The following RASA2 variants were observed in gnomAD, a reference collection of about 807,000 sequenced individuals.
RASA2 encodes ras GTPase-activating protein 2.
A neutral mutation model predicts 118.2 loss-of-function variants in RASA2; 155 were observed. The observed-to-expected ratio is 1.31, with a 90% CI of 1.15 to 1.50. RASA2 has a LOEUF of 1.50. Ranked by LOEUF, RASA2 falls within the 40% of genes most tolerant of loss-of-function variation. The pLI is 0.00. For synonymous variants in RASA2, 353 were observed against 349.1 expected, an observed-to-expected ratio of 1.01 and a Z score of -0.12; for missense variants, 1,016 against 1,009.6, an observed-to-expected ratio of 1.01 and a Z score of -0.09.
At chr3:141,512,037 C>A (rs2081958590) in intron 1 of RASA2, 126 bp from the exon 2 acceptor site, 1 of 648,852 alleles carries the variant, frequency 1.5e-6, no homozygotes, top group Non-Finnish European at 2.6e-6. Flanking sequence ...TTTCTGTAAT[C>A]ACTAGTGTTT....
chr3:141,519,114 G>T (rs553778722), intron 3 of RASA2, among the ~76,000 whole-genome samples: 1 of 152,080 alleles, frequency 6.6e-6, no homozygotes, highest in Non-Finnish European at 1.5e-5. Flanking sequence ...GAGTCAAGGG[G>T]TATGAACATT....
chr3:141,524,952 A>G (rs959243031), intron 3 of RASA2, among the ~76,000 whole-genome samples: 7 of 152,162 alleles, frequency 4.6e-5, no homozygotes, highest in African/African-American at 1.7e-4. Flanking sequence ...GAACAGGACT[A>G]TCAGGATTTT....
At chr3:141,528,124 CCTT>C (rs1180122055) in intron 3 of RASA2, among the ~76,000 whole-genome samples, 1 of 151,676 alleles carries the variant, frequency 6.6e-6, no homozygotes, top group Non-Finnish European at 1.5e-5. Flanking sequence ...CAATAGGCCT[CCTT>C]CGATTGTATT....
intron 17 of RASA2, among the ~76,000 whole-genome samples, chr3:141,585,332 A>G (rs889848735): frequency 6.6e-6 from 1 of 152,236 alleles, no homozygotes; most frequent in Non-Finnish European, 1.5e-5. Context: ...CAGAGTGTAA[A>G]TAGCCTTACA....
intron 19 of RASA2, among the ~76,000 whole-genome samples, chr3:141,598,724 A>G (rs1363096544): frequency 6.6e-6 from 1 of 152,154 alleles, no homozygotes; most frequent in Non-Finnish European, 1.5e-5. Context: ...AGAAAACAAA[A>G]TTTTAAAAAT....
At chr3:141,543,503 G>T (rs1282971439) in intron 5 of RASA2, among the ~76,000 whole-genome samples, 1 of 152,036 alleles carries the variant, frequency 6.6e-6, no homozygotes, top group Non-Finnish European at 1.5e-5. Context: ...CCCTTTCCAT[G>T]TTATTTTTTT....
intron 3 of RASA2, among the ~76,000 whole-genome samples, chr3:141,522,059 C>T (rs1033575044): frequency 6.6e-6 from 1 of 151,976 alleles, no homozygotes. Context: ...AGATTCAGTA[C>T]AAGTTGAGCA....
chr3:141,544,758 G>T (rs889094241), intron 5 of RASA2, among the ~76,000 whole-genome samples: 4 of 152,078 alleles, frequency 2.6e-5, no homozygotes, highest in African/African-American at 9.7e-5. Flanking sequence ...ATCAATCGCA[G>T]ACTGGATAAA....
At chr3:141,543,581 A>G (rs1014813247) in intron 5 of RASA2, among the ~76,000 whole-genome samples, 4 of 151,924 alleles carry the variant, frequency 2.6e-5, no homozygotes, top group African/African-American at 9.7e-5. Context: ...ATTCTTTTAG[A>G]GTAAGTCTCT....
chr3:141,561,765 T>A (rs912724543), intron 9 of RASA2, among the ~76,000 whole-genome samples: 1 of 152,198 alleles, frequency 6.6e-6, no homozygotes, highest in African/African-American at 2.4e-5. Flanking sequence ...GTTTGAAAAG[T>A]CTCAAAATAG....
At chr3:141,499,977 G>A (rs2081755382) in intron 1 of RASA2, among the ~76,000 whole-genome samples, 1 of 152,142 alleles carries the variant, frequency 6.6e-6, no homozygotes, top group Non-Finnish European at 1.5e-5. Flanking sequence ...CCAGGAGTGA[G>A]GAAAATTGCT....
At chr3:141,543,902 G>A (rs1474678677) in intron 5 of RASA2, among the ~76,000 whole-genome samples, 1 of 120,284 alleles carries the variant, frequency 8.3e-6, no homozygotes, top group African/African-American at 3.3e-5. Flanking sequence ...TTGATATGGA[G>A]TCTAGTTCTG....
intron 3 of RASA2, among the ~76,000 whole-genome samples, chr3:141,528,145 TAC>T (rs1577686310): frequency 6.6e-6 from 1 of 152,088 alleles, no homozygotes; most frequent in East Asian, 1.9e-4. Flanking sequence ...ATTTTTTTAA[TAC>T]AGTTACCACT....
At chr3:141,563,947 A>G (rs961295910) in intron 9 of RASA2, among the ~76,000 whole-genome samples, 1 of 152,092 alleles carries the variant, frequency 6.6e-6, no homozygotes, top group African/African-American at 2.4e-5. Context: ...AGGGATGGGT[A>G]AAACAACAAC....
In RASA2 at chr3:141,516,331, AT is replaced by A; in HGVS notation, c.260del (p.Phe87SerfsTer32). ...TGAGCTTTCCTTTTCTTTCTAGCCC[AT>A]TTTTCAGTGAAGAATTTTACTTTGA... ...TQVVEKSLSP[F>X]FSEEFYFEIP... On this transcript the variant is annotated frameshift_variant, in exon 3 of 24. Coordinates refer to ENST00000286364, the MANE Select transcript of RASA2 (RefSeq NM_006506.5). LOFTEE classifies it high-confidence loss of function. 13 of 1,552,802 alleles carry A rather than the reference AT, an allele frequency of 8.4e-6. No individual in the cohort carries two copies. The highest frequency in any genetic ancestry group is 1.8e-4 in the Middle Eastern group (1 of 5,576).
chr3:141,562,108 A>G (rs1396365357), intron 9 of RASA2, among the ~76,000 whole-genome samples: 1 of 151,762 alleles, frequency 6.6e-6, no homozygotes, highest in African/African-American at 2.4e-5. Context: ...ACACACCACC[A>G]TGCCGAGCTA....
At chr3:141,492,024 G>A (rs2081645261) in intron 1 of RASA2, among the ~76,000 whole-genome samples, 1 of 152,186 alleles carries the variant, frequency 6.6e-6, no homozygotes, top group Admixed American at 6.5e-5. Context: ...TATTTAGGAT[G>A]GAGGAAGAAT....
chr3:141,589,130 C>T (rs1242289617), intron 19 of RASA2, among the ~76,000 whole-genome samples: 4 of 152,170 alleles, frequency 2.6e-5, no homozygotes, highest in East Asian at 1.9e-4. Context: ...TGAGCCAGCG[C>T]GCCCGGCCCA....
rs2083688052 is a variant in RASA2 at position 141,613,812 on chromosome 3, A to G, written c.*1499A>G. 2.0e-5 allele frequency: 3 copies of G among 152,366 alleles called. No homozygotes were observed. The highest frequency in any genetic ancestry group is 4.1e-4 in the South Asian group (2 of 4,834). 9.4% of individuals were successfully genotyped at this position (152,366 alleles called of 1,614,324 possible). On this transcript the variant is annotated 3_prime_UTR_variant, in exon 24 of 24. Coordinates refer to ENST00000286364, the MANE Select transcript of RASA2 (RefSeq NM_006506.5). ...AATCAAAGTTGTTCCATAAAAGAAT[A>G]TAACTGAGCAATGTATTTCTCTAAA...
Sources: allele counts gnomAD v4.1 joint callset (sites outside exome capture counted in the v4.1 genomes callset), GRCh38; gene constraint gnomAD v4.1.1; transcripts MANE v1.5; gene names NCBI Gene and HGNC (gene_info 2026-07-23, HGNC 2026-07-21).